The following SYDE2 variants were observed in gnomAD, a reference collection of about 807,000 sequenced individuals.
SYDE2 encodes rho GTPase-activating protein SYDE2.
Under a neutral mutation model 91.5 loss-of-function variants are expected in SYDE2, and 76 were observed. The ratio of observed to expected loss-of-function variants is 0.83; its 90% CI spans 0.69 to 1.01. The LOEUF (loss-of-function observed/expected upper bound fraction) is 1.01. SYDE2 is among the 50% of genes least tolerant of loss of function. The probability of loss-of-function intolerance (pLI) is 0.00; values close to 1 mark genes in which losing one functional copy is unlikely to be tolerated. For synonymous variants in SYDE2, 513 were observed against 506.4 expected, an observed-to-expected ratio of 1.01 and a Z score of -0.18; for missense variants, 1,364 against 1,367.7, an observed-to-expected ratio of 1.00 and a Z score of 0.04.
rs1351010364 is a variant in SYDE2, at chr1:85,200,604, C to G, written c.393G>C (p.Gly131=). The G allele has an allele frequency of 6.4e-7, 1 of 1,560,670 alleles. No homozygotes were observed. The highest frequency in any genetic ancestry group is 1.9e-5 in the Admixed American group (1 of 52,566). ...TGGGTGCAGCCGCCCGGGCGCGGTC[C>G]CCACTCCAGCCGTCCATCCTGCCTC... ...PRGGRMDGWS[G]DRARAAAPTG... The change falls in exon 1 of 7, where the codon GGG becomes GGC. Residue 131 remains glycine (G), a synonymous_variant. Coordinates refer to ENST00000341460, the MANE Select transcript of SYDE2 (RefSeq NM_032184.2).
chr1:85,176,843 G>A (rs1232820910), intron 4 of SYDE2, among the ~76,000 whole-genome samples: 1 of 152,016 alleles, frequency 6.6e-6, no homozygotes, highest in East Asian at 1.9e-4. Flanking sequence ...GTGACAGAGA[G>A]GATTTTTCAT....
rs371966461 is a variant in SYDE2 at position 85,197,782 on chromosome 1, G to A, written c.745+2470C>T. On this transcript the variant is annotated intron_variant, in intron 1 of 6. Transcript: ENST00000341460. ...CCATTCTCCTGCCTCAGCCTCCCGA[G>A]TAGCTGGGACTACAGGCACCCACCA... is the stretch of plus-strand genomic sequence containing the variant. 1.3e-3 allele frequency among the ~76,000 whole-genome samples: 194 copies of A among 152,088 alleles called. 4 individuals carry two copies. The South Asian group carries it at 0.033, about 26-fold the overall frequency.
chr1:85,171,253 T>C (rs143821828), intron 4 of SYDE2, among the ~76,000 whole-genome samples: 143 of 152,248 alleles, frequency 9.4e-4, no homozygotes, highest in Admixed American at 1.7e-3. Context: ...GGAATGATTA[T>C]CAGGGAGACA....
intron 1 of SYDE2, among the ~76,000 whole-genome samples, chr1:85,193,444 A>T (rs1658450824): frequency 6.6e-6 from 1 of 152,176 alleles, no homozygotes; most frequent in Admixed American, 6.5e-5. Flanking sequence ...ATATAGCTAG[A>T]CACATTCATT....
At position 85,200,886 on chromosome 1, in the gene SYDE2, G is replaced by A. The variant is rs1658807613; in HGVS notation, c.111C>T (p.Ala37=). 2 of 1,336,424 alleles carry A rather than the reference G, an allele frequency of 1.5e-6. No homozygotes were observed. The highest frequency in any genetic ancestry group is 3.1e-5 in the East Asian group (1 of 32,196). 82.8% of individuals were successfully genotyped at this position (1,336,424 alleles called of 1,614,324 possible). The stretch of plus-strand genomic sequence containing the variant: ...CCCGGGGGCAGGCTCGGCGGTACGC[G>A]GCGCCGCGGGAAGGCGGCTGGCCCG... ...RAPGQPPSRG[A]AYRRACPRDG... Residue 37 remains alanine, a synonymous_variant, in exon 1 of 7, where the codon GCC becomes GCT. Coordinates refer to ENST00000341460, the MANE Select transcript of SYDE2 (RefSeq NM_032184.2).
chr1:85,191,526 G>T (rs761413837), intron 1 of SYDE2, among the ~76,000 whole-genome samples: 1 of 152,120 alleles, frequency 6.6e-6, no homozygotes, highest in Non-Finnish European at 1.5e-5. Flanking sequence ...TTGGGAGGCC[G>T]AGGCAGGAGG....
chr1:85,187,084 C>T (rs1282601796), intron 2 of SYDE2, among the ~76,000 whole-genome samples: 1 of 151,874 alleles, frequency 6.6e-6, no homozygotes, highest in Admixed American at 6.6e-5. Context: ...AGGCAACCTA[C>T]AAAATGGGAG....
rs1460686158 is a variant in SYDE2 at position 85,156,982 on chromosome 1, G to A, written c.*1768C>T. 1 of 151,906 alleles carries A rather than the reference G, an allele frequency of 6.6e-6. No individual in the cohort carries two copies. The highest frequency in any genetic ancestry group is 1.9e-4 in the East Asian group (1 of 5,194). The allele number at this position is 151,906 out of a possible 1,614,324, so 9.4% of individuals were successfully genotyped here. A position where few individuals can be genotyped will look rare whatever the true frequency, so the allele number is the denominator to read the frequency against. On this transcript the variant is annotated 3_prime_UTR_variant, in exon 7 of 7. Coordinates refer to ENST00000341460, the MANE Select transcript of SYDE2 (RefSeq NM_032184.2). ...CAGCTTTCCTATAAAACATTCAAGAGTACTTTCCTTTGACTGTTTACTCAA... is the reference window on the plus strand; with the variant it reads ...CAGCTTTCCTATAAAACATTCAAGAATACTTTCCTTTGACTGTTTACTCAA...
At chr1:85,183,556 A>G (rs1377435907) in intron 2 of SYDE2, among the ~76,000 whole-genome samples, 2 of 113,472 alleles carry the variant, frequency 1.8e-5, no homozygotes, top group Non-Finnish European at 3.6e-5. Context: ...CTTTCTTTAA[A>G]AAGTATTAAT....
rs562239559 is a variant in SYDE2, at chr1:85,184,036, A to G, written c.1442-836T>C. On this transcript the variant is annotated intron_variant, in intron 2 of 6. Transcript: ENST00000341460. ...TTTGTTTTTATAAAACCCAAGAGTC[A>G]AAATATTACCAAATTCCACAGTCGC... 6.6e-5 allele frequency among the ~76,000 whole-genome samples: 10 copies of G among 152,328 alleles called. No homozygotes were observed. The East Asian group carries it at 1.9e-3, about 29-fold the overall frequency.
intron 3 of SYDE2, among the ~76,000 whole-genome samples, chr1:85,180,012 A>G (rs2100668014): frequency 6.6e-6 from 1 of 152,338 alleles, no homozygotes; most frequent in South Asian, 2.1e-4. Context: ...ATATATCCCT[A>G]CTTTCTGATG....
Position 85,192,069 on chromosome 1 carries a change from A to T in SYDE2, c.746-1317T>A, listed in dbSNP as rs113736585. Among the ~76,000 whole-genome samples, 1,270 of 152,316 alleles carry T rather than the reference A, an allele frequency of 8.3e-3. 23 individuals are homozygous for T. The highest frequency in any genetic ancestry group is 0.028 in the African/African-American group (1,176 of 41,556). ...ATCTTATTGGCACAGCAAGTAAAAA[A>T]TAATGGTCTAAAAATAGAGTGATAA... On this transcript the variant is annotated intron_variant, in intron 1 of 6. Transcript: ENST00000341460.
In SYDE2 at chr1:85,200,535, C is replaced by T. The variant is rs1216315116; in HGVS notation, c.462G>A (p.Ser154=). 6.2e-7 allele frequency: 1 copy of T among 1,612,234 alleles called. No individual in the cohort carries two copies. The highest frequency in any genetic ancestry group is 1.1e-5 in the South Asian group (1 of 91,066). Residue 154 remains serine (S), a synonymous_variant, in exon 1 of 7, where the codon TCG becomes TCA. Transcript: ENST00000341460. ...PPGCKDHGCS[S]GSPFRDPAGS... The stretch of plus-strand genomic sequence containing the variant: ...CCGCTGGATCCCTGAAAGGGCTTCC[C>T]GAGGAGCAGCCGTGGTCCTTGCAGC...
Position 85,190,066 on chromosome 1 carries a change from G to T in SYDE2, c.1432C>A (p.Pro478Thr). The T allele has an allele frequency of 6.3e-7, 1 of 1,592,434 alleles. No individual in the cohort carries two copies. Among genetic ancestry groups the T allele is most frequent in the South Asian group, 1.1e-5 (1 of 88,580 alleles). The part of the protein sequence containing the change: ...MVEDSPMLKS[P>T]FAGSGILAAT... ...ATATGATCATTTTTACCTGCAAAAG[G>T]AGATTTCAACATGGGACTGTCCTCC... Residue 478 changes from proline (P) to threonine (T), a missense_variant, in exon 2 of 7, where the codon CCT becomes ACT. Pro to Thr is a conservative substitution (Grantham distance 38). Transcript: ENST00000341460.
intron 1 of SYDE2, among the ~76,000 whole-genome samples, chr1:85,199,394 A>T (rs1446851359): frequency 6.6e-6 from 1 of 152,232 alleles, no homozygotes; most frequent in African/African-American, 2.4e-5. Flanking sequence ...TCTAGAATTG[A>T]TAACCTAAAC....
intron 4 of SYDE2, among the ~76,000 whole-genome samples, chr1:85,176,956 G>T (rs1657724111): frequency 1.3e-5 from 2 of 152,026 alleles, no homozygotes; most frequent in Admixed American, 6.6e-5. Context: ...GCTCCTGAAG[G>T]TTACCAATAA....
chr1:85,182,137 T>C lies in SYDE2; in HGVS notation c.2505A>G (p.Ile835Met). The change falls in exon 3 of 7, where the codon ATA becomes ATG. Residue 835 changes from isoleucine to methionine, a missense_variant. Physicochemically the swap from Ile to Met is conservative, Grantham distance 10. Coordinates refer to ENST00000341460, the MANE Select transcript of SYDE2 (RefSeq NM_032184.2). ...ENIGLMVPLL[I>M]QKCIMEIEKR... Reference sequence around the variant, plus strand: ...TTTCAATTTCCATAATACATTTCTGTATCAGAAGGGGCACCATCAGTCCTA... The same window carrying C: ...TTTCAATTTCCATAATACATTTCTGCATCAGAAGGGGCACCATCAGTCCTA... 1 of 1,601,048 alleles carries C rather than the reference T, an allele frequency of 6.2e-7. No homozygotes were observed. Among genetic ancestry groups the C allele is most frequent in the East Asian group, 2.2e-5 (1 of 44,768 alleles).
rs774877969 is a variant in SYDE2, at chr1:85,200,933, A to G, written c.64T>C (p.Phe22Leu). ...RGGRGLADHS[F>L]PAGARAPGQP... ...CCCGGAGCCCGGGCTCCCGCGGGGA[A>G]GCTGTGATCCGCCAAGCCCCTGCCG... The change falls in exon 1 of 7, where the codon TTC becomes CTC. Residue 22 changes from phenylalanine to leucine, a missense_variant. Coordinates refer to ENST00000341460, the MANE Select transcript of SYDE2 (RefSeq NM_032184.2). 21 of 1,320,274 alleles carry G rather than the reference A, an allele frequency of 1.6e-5. No individual in the cohort carries two copies. In the East Asian group the frequency reaches 4.3e-4, roughly 27 times the overall value. 81.8% of individuals were successfully genotyped at this position (1,320,274 alleles called of 1,614,324 possible).
At position 85,200,313 on chromosome 1, in the gene SYDE2, A is replaced by T; in HGVS notation, c.684T>A (p.Ala228=). The T allele has an allele frequency of 1.9e-6, 3 of 1,613,932 alleles. No individual in the cohort carries two copies. Among genetic ancestry groups the T allele is most frequent in the Non-Finnish European group, 2.5e-6 (3 of 1,179,866 alleles). Residue 228 remains alanine, a synonymous_variant, in exon 1 of 7, where the codon GCT becomes GCA. Transcript: ENST00000341460. ...GGACACGGTTTTCACGCACTTTCAA[A>T]GCGCCCACATTTGGGGAGGCTGCCT... ...GTQAASPNVG[A]LKVRENRVLS...
Sources: allele counts gnomAD v4.1 joint callset (sites outside exome capture counted in the v4.1 genomes callset), GRCh38; gene constraint gnomAD v4.1.1; transcripts MANE v1.5; gene names NCBI Gene and HGNC (gene_info 2026-07-23, HGNC 2026-07-21).